AUTS2: variants seen among roughly 807,000 people sequenced by gnomAD.
AUTS2 encodes activator of transcription and developmental regulator AUTS2, also known as autism susceptibility gene 2 protein.
A neutral mutation model predicts 112.4 loss-of-function variants in AUTS2; 17 were observed. The observed-to-expected ratio is 0.15, with a 90% CI of 0.10 to 0.23. AUTS2 has a LOEUF of 0.23. Ranked by LOEUF, AUTS2 falls within the 10% of genes least tolerant of loss-of-function variation. The probability of loss-of-function intolerance (pLI) is 1.00; values close to 1 mark genes in which losing one functional copy is unlikely to be tolerated. For synonymous variants in AUTS2, 751 were observed against 702.7 expected (o/e 1.07, Z -1.09); for missense variants, 1,510 against 1,701.6 (o/e 0.89, Z 1.98).
intron 1 of AUTS2, among the ~76,000 whole-genome samples, chr7:69,773,247 G>C (rs530982072): frequency 6.6e-6 from 1 of 152,052 alleles, no homozygotes; most frequent in South Asian, 2.1e-4. Context: ...GGCTGGGTGC[G>C]GTAGCTCACA....
intron 5 of AUTS2, among the ~76,000 whole-genome samples, chr7:70,602,193 T>A (rs1341748730): frequency 2.0e-5 from 3 of 152,120 alleles, no homozygotes; most frequent in Non-Finnish European, 2.9e-5. Context: ...TCCTCTCACA[T>A]AGCTAGGGCC....
At chr7:70,555,974 T>A (rs1801232352) in intron 5 of AUTS2, among the ~76,000 whole-genome samples, 1 of 151,990 alleles carries the variant, frequency 6.6e-6, no homozygotes, top group South Asian at 2.1e-4. Flanking sequence ...CCGGCTAATT[T>A]TTTTGTATTT....
chr7:69,978,910 GCACA>G (rs1183027810), intron 2 of AUTS2, among the ~76,000 whole-genome samples: 4 of 108,238 alleles, frequency 3.7e-5, no homozygotes, highest in Non-Finnish European at 6.1e-5. Flanking sequence ...ACGCACACAC[GCACA>G]CACACACGCA....
At chr7:70,582,701 G>C (rs1802508319) in intron 5 of AUTS2, among the ~76,000 whole-genome samples, 2 of 152,134 alleles carry the variant, frequency 1.3e-5, no homozygotes, top group South Asian at 4.1e-4. Context: ...GTTCTTAGTA[G>C]CTTTTAGAAA....
chr7:70,133,204 G>A (rs1806368353), intron 3 of AUTS2, among the ~76,000 whole-genome samples: 1 of 152,160 alleles, frequency 6.6e-6, no homozygotes. Flanking sequence ...ATTTAGGAAT[G>A]CCTTGAAGCA....
intron 4 of AUTS2, among the ~76,000 whole-genome samples, chr7:70,245,142 G>GTATATATATATATATATA (rs1225794976): frequency 2.8e-5 from 2 of 72,244 alleles, no homozygotes; most frequent in African/African-American, 1.1e-4. Context: ...AAGTGTGTGT[G>GTATATATATATATATATA]TGTATATATA....
intron 2 of AUTS2, among the ~76,000 whole-genome samples, chr7:70,070,877 GAAA>G (rs549466401): frequency 9.9e-6 from 1 of 100,908 alleles, no homozygotes. Context: ...GACTCCATCT[GAAA>G]AAAAAAAAAA....
At chr7:70,640,416 AG>A (rs1324862249) in intron 5 of AUTS2, among the ~76,000 whole-genome samples, 7 of 59,044 alleles carry the variant, frequency 1.2e-4, no homozygotes, top group African/African-American at 4.8e-4. Context: ...ATAAACTCAC[AG>A]GGGGAAAAAA....
At chr7:70,121,115 C>CA (rs1193489468) in intron 3 of AUTS2, among the ~76,000 whole-genome samples, 9 of 152,252 alleles carry the variant, frequency 5.9e-5, no homozygotes, top group African/African-American at 2.2e-4. Flanking sequence ...TTCTCTTTAA[C>CA]AGATGGTGTT....
In AUTS2 at chr7:70,790,574, G is replaced by C. The variant is rs1260130552; in HGVS notation, c.3358G>C (p.Glu1120Gln). The C allele has an allele frequency of 6.2e-7, 1 of 1,602,400 alleles. No individual in the cohort carries two copies. Among genetic ancestry groups the C allele is most frequent in the Admixed American group, 1.7e-5 (1 of 58,224 alleles). Residue 1120 changes from glutamate to glutamine, a missense_variant, in exon 19 of 19, where the codon GAG (glutamate) becomes CAG (glutamine). Transcript: ENST00000342771. The surrounding 1 kb of genome is among the most constrained non-coding windows in gnomAD (Gnocchi z 7.6). The part of the protein sequence containing the change: ...YEADRSFRDR[E>Q]PHDYSHHHHH... ...AGCCGACCGCTCCTTCAGGGACCGG[G>C]AGCCTCACGACTACAGCCACCACCA...
intron 4 of AUTS2, among the ~76,000 whole-genome samples, chr7:70,226,885 A>T (rs1811793455): frequency 1.3e-5 from 2 of 152,190 alleles, no homozygotes; most frequent in African/African-American, 4.8e-5. Context: ...GTTGAAATGA[A>T]TTTGAGTTGT....
intron 15 of AUTS2, chr7:70,783,936 CTCCTTCCT>C (rs770847159): frequency 4.6e-5 from 7 of 152,296 alleles, no homozygotes; most frequent in Admixed American, 2.0e-4. Context: ...CTTTCTCTGT[CTCCTTCCT>C]TCCTTCCTTT....
intron 5 of AUTS2, among the ~76,000 whole-genome samples, chr7:70,684,569 CGTGGTATGGTGTGGCGTGGCATGTT>C (rs1808370470): frequency 7.6e-6 from 1 of 132,342 alleles, no homozygotes; most frequent in South Asian, 2.6e-4. Context: ...CGTGTTGTGG[CGTGGTATGGTGTGGCGTGGCATGTT>C]GTGGTATGGT....
intron 6 of AUTS2, among the ~76,000 whole-genome samples, chr7:70,705,864 C>A (rs1472413332): frequency 6.6e-6 from 1 of 152,180 alleles, no homozygotes; most frequent in Non-Finnish European, 1.5e-5. Context: ...GTCAATCCCT[C>A]GTGGGGTGCT....
At chr7:70,626,877 C>T (rs1440807591) in intron 5 of AUTS2, among the ~76,000 whole-genome samples, 1 of 152,206 alleles carries the variant, frequency 6.6e-6, no homozygotes, top group Middle Eastern at 3.2e-3. Flanking sequence ...AGTATTCCAT[C>T]GTGTATATGT....
chr7:69,743,916 G>C (rs912671648), intron 1 of AUTS2, among the ~76,000 whole-genome samples: 1 of 152,006 alleles, frequency 6.6e-6, no homozygotes, highest in Non-Finnish European at 1.5e-5. Flanking sequence ...TCCCATCTCA[G>C]CCTCCTGAGT....
intron 1 of AUTS2, among the ~76,000 whole-genome samples, chr7:69,732,712 T>C (rs751824209): frequency 1.3e-5 from 2 of 152,176 alleles, no homozygotes; most frequent in Non-Finnish European, 2.9e-5. Flanking sequence ...AGCAAAAGCA[T>C]TTAATAAAAA....
chr7:69,707,301 T>TG (rs1798104602), intron 1 of AUTS2, among the ~76,000 whole-genome samples: 1 of 152,232 alleles, frequency 6.6e-6, no homozygotes, highest in African/African-American at 2.4e-5. Flanking sequence ...TAAATTGTGA[T>TG]GTCACCAGTC....
chr7:70,245,662 T>A (rs1812886894), intron 4 of AUTS2, among the ~76,000 whole-genome samples: 1 of 152,198 alleles, frequency 6.6e-6, no homozygotes. Flanking sequence ...ACAGTGGACA[T>A]ACAGGTTGTT....
Sources: allele counts gnomAD v4.1 joint callset (sites outside exome capture counted in the v4.1 genomes callset), GRCh38; gene constraint gnomAD v4.1.1; non-coding constraint Gnocchi (gnomAD v3.1); transcripts MANE v1.5; gene names NCBI Gene and HGNC (gene_info 2026-07-23, HGNC 2026-07-21).